The following CFAP90 variants were observed in gnomAD, a reference collection of about 807,000 sequenced individuals.
The protein encoded by CFAP90 is cilia- and flagella-associated protein 90.
At chr5:7,835,291 C>G in the CFAP90 span, 1 of 729,870 alleles carries the variant, frequency 1.4e-6, no homozygotes, top group East Asian at 2.5e-5. Flanking sequence ...TCTATGAAGC[C>G]TAATAAAGTG....
the CFAP90 span, among the ~76,000 whole-genome samples, chr5:7,846,557 G>A: frequency 6.6e-6 from 1 of 152,106 alleles, no homozygotes; most frequent in African/African-American, 2.4e-5. Context: ...CCATTCATGA[G>A]GGCTCCACCT....
At chr5:7,847,189 T>A in the CFAP90 span, among the ~76,000 whole-genome samples, 1 of 152,212 alleles carries the variant, frequency 6.6e-6, no homozygotes, top group African/African-American at 2.4e-5. Context: ...TTATTACCAT[T>A]GGTAGCTATT....
chr5:7,831,802 T>A, the CFAP90 span: 1 of 1,560,288 alleles, frequency 6.4e-7, no homozygotes, highest in Non-Finnish European at 8.8e-7. Context: ...TGTGCAAACT[T>A]GCCAGGCCAC....
chr5:7,836,684 A>G, the CFAP90 span, among the ~76,000 whole-genome samples: 1 of 152,224 alleles, frequency 6.6e-6, no homozygotes, highest in Non-Finnish European at 1.5e-5. Context: ...GGTCTATGAC[A>G]AAAGTCTGTC....
chr5:7,833,167 A>G, the CFAP90 span, among the ~76,000 whole-genome samples: 1 of 152,234 alleles, frequency 6.6e-6, no homozygotes, highest in East Asian at 1.9e-4. Context: ...AGGGAACTAT[A>G]TATAATAGTA....
the CFAP90 span, among the ~76,000 whole-genome samples, chr5:7,841,172 G>T: frequency 6.6e-6 from 1 of 152,050 alleles, no homozygotes; most frequent in Non-Finnish European, 1.5e-5. Flanking sequence ...ATTGGGCAAA[G>T]GACATGAACA....
At chr5:7,843,892 T>C in the CFAP90 span, among the ~76,000 whole-genome samples, 9 of 152,200 alleles carry the variant, frequency 5.9e-5, no homozygotes, top group Admixed American at 5.9e-4. Context: ...TGTGTGAATA[T>C]GTTCTTGTAT....
the CFAP90 span, among the ~76,000 whole-genome samples, chr5:7,837,510 A>T: frequency 6.6e-6 from 1 of 152,226 alleles, no homozygotes; most frequent in Non-Finnish European, 1.5e-5. Flanking sequence ...AGTGAAAAGG[A>T]TGCAAGACTT....
chr5:7,837,707 A>G, the CFAP90 span, among the ~76,000 whole-genome samples: 1 of 152,218 alleles, frequency 6.6e-6, no homozygotes, highest in Non-Finnish European at 1.5e-5. Context: ...GATAACTCAG[A>G]CGTGGCTACT....
At chr5:7,831,734 G>T in the CFAP90 span, 1 of 1,022,450 alleles carries the variant, frequency 9.8e-7, no homozygotes, top group Non-Finnish European at 1.4e-6. Context: ...CACAGGCATA[G>T]CCAAGCTCCT....
chr5:7,847,976 C>T, the CFAP90 span, among the ~76,000 whole-genome samples: 1 of 152,174 alleles, frequency 6.6e-6, no homozygotes, highest in South Asian at 2.1e-4. Context: ...AATTTTATTT[C>T]CTTTCAACAT....
the CFAP90 span, among the ~76,000 whole-genome samples, chr5:7,841,198 A>G: frequency 6.6e-6 from 1 of 152,248 alleles, no homozygotes; most frequent in Non-Finnish European, 1.5e-5. Context: ...TTCTCAATAG[A>G]CACACATGTG....
At chr5:7,837,579 C>T in the CFAP90 span, among the ~76,000 whole-genome samples, 1 of 152,190 alleles carries the variant, frequency 6.6e-6, no homozygotes, top group Non-Finnish European at 1.5e-5. Context: ...GAACTTGGCA[C>T]TCTGGCCAGT....
At chr5:7,844,235 AG>A in the CFAP90 span, among the ~76,000 whole-genome samples, 3 of 152,296 alleles carry the variant, frequency 2.0e-5, no homozygotes, top group East Asian at 5.8e-4. Context: ...ATGCAACTAG[AG>A]AAGTAGAGAA....
chr5:7,841,521 C>A, the CFAP90 span, among the ~76,000 whole-genome samples: 1 of 152,160 alleles, frequency 6.6e-6, no homozygotes, highest in South Asian at 2.1e-4. Flanking sequence ...AAGACACATG[C>A]ACACGTATGT....
At chr5:7,839,710 T>C in the CFAP90 span, among the ~76,000 whole-genome samples, 200 of 152,336 alleles carry the variant, frequency 1.3e-3, no homozygotes, top group African/African-American at 4.6e-3. Flanking sequence ...AACAGTCTTC[T>C]ACATCTTAGT....
the CFAP90 span, among the ~76,000 whole-genome samples, chr5:7,849,652 G>A: frequency 2.0e-5 from 3 of 152,200 alleles, no homozygotes; most frequent in Non-Finnish European, 2.9e-5. Flanking sequence ...GCCTTTGGCC[G>A]CTGGTGGGAG....
chr5:7,833,435 TACAC>T, the CFAP90 span, among the ~76,000 whole-genome samples: 2 of 151,938 alleles, frequency 1.3e-5, no homozygotes, highest in Admixed American at 6.6e-5. Context: ...TACACATATT[TACAC>T]ACATTCACAA....
the CFAP90 span, among the ~76,000 whole-genome samples, chr5:7,839,757 G>A: frequency 6.6e-6 from 1 of 152,238 alleles, no homozygotes; most frequent in East Asian, 1.9e-4. Flanking sequence ...GGTGTGGAGT[G>A]ATCAGAGTCT....
Sources: gnomAD v4.1 joint callset for allele counts (sites outside exome capture counted in the v4.1 genomes callset) on GRCh38, gnomAD v4.1.1 for gene constraint, MANE v1.5 for transcripts, NCBI Gene and HGNC (gene_info 2026-07-23, HGNC 2026-07-21) for gene names.